Variants in NRXN3 observed in about 807,000 individuals in gnomAD.
NRXN3 encodes neurexin III.
A neutral mutation model predicts 137.6 loss-of-function variants in NRXN3; 32 were observed. The ratio of observed to expected loss-of-function variants is 0.23; its 90% CI spans 0.18 to 0.31. The LOEUF is 0.31. Ranked by LOEUF, NRXN3 falls within the 10% of genes least tolerant of loss-of-function variation. NRXN3 has a pLI of 1.00. For synonymous variants in NRXN3, 798 were observed against 784.5 expected (o/e 1.02, Z -0.29); for missense variants, 1,574 against 2,062.5 (o/e 0.76, Z 4.59).
intron 15 of NRXN3, among the ~76,000 whole-genome samples, chr14:79,214,479 C>T (rs2153228204): frequency 6.6e-6 from 1 of 152,246 alleles, no homozygotes; most frequent in Middle Eastern, 3.4e-3. Context: ...GTTGAATGTT[C>T]CCAACACAAA....
At chr14:78,773,833 C>T (rs1039544337) in intron 8 of NRXN3, among the ~76,000 whole-genome samples, 17 of 152,092 alleles carry the variant, frequency 1.1e-4, no homozygotes, top group Admixed American at 7.9e-4. Flanking sequence ...GATGGAGTCT[C>T]ACTCTGTCAC....
At chr14:78,640,755 A>G (rs982174759) in intron 4 of NRXN3, among the ~76,000 whole-genome samples, 2 of 152,236 alleles carry the variant, frequency 1.3e-5, no homozygotes, top group Non-Finnish European at 2.9e-5. Flanking sequence ...TGTTTAATCA[A>G]TTGGACACTT....
At chr14:79,355,251 C>G (rs113618104) in intron 15 of NRXN3, among the ~76,000 whole-genome samples, 5 of 140,526 alleles carry the variant, frequency 3.6e-5, no homozygotes, top group African/African-American at 1.6e-4. Context: ...GCTTTTCTGT[C>G]CCCCACCCCC....
chr14:78,830,115 C>T (rs989353462), intron 10 of NRXN3, among the ~76,000 whole-genome samples: 1 of 152,028 alleles, frequency 6.6e-6, no homozygotes, highest in African/African-American at 2.4e-5. Flanking sequence ...GAAATACATA[C>T]AATAACTCGC....
At chr14:79,430,285 G>C (rs569336387) in intron 15 of NRXN3, among the ~76,000 whole-genome samples, 1 of 152,336 alleles carries the variant, frequency 6.6e-6, no homozygotes, top group East Asian at 1.9e-4. Flanking sequence ...TCTTGCTGGT[G>C]AGAATTTTGC....
At chr14:79,193,517 T>G (rs2153187290) in intron 15 of NRXN3, among the ~76,000 whole-genome samples, 1 of 152,374 alleles carries the variant, frequency 6.6e-6, no homozygotes, top group East Asian at 1.9e-4. Context: ...CACATTAAAC[T>G]TACGTTGCAG....
At chr14:79,315,509 C>A (rs1001443217) in intron 15 of NRXN3, among the ~76,000 whole-genome samples, 1 of 152,098 alleles carries the variant, frequency 6.6e-6, no homozygotes, top group Non-Finnish European at 1.5e-5. Flanking sequence ...CCACCCCTTC[C>A]AAAGCTCACC....
intron 8 of NRXN3, among the ~76,000 whole-genome samples, chr14:78,794,137 T>C (rs2098813986): frequency 1.3e-5 from 2 of 152,050 alleles, no homozygotes; most frequent in African/African-American, 4.8e-5. Context: ...TCACAACACT[T>C]TGGGAGGCCG....
chr14:78,957,188 A>G (rs1466919553), intron 10 of NRXN3, 54 bp from the exon 11 acceptor site: 4 of 1,599,346 alleles, frequency 2.5e-6, no homozygotes, highest in Non-Finnish European at 3.4e-6. Flanking sequence ...ACCCTGATGC[A>G]TGAGCACTAC....
chr14:78,933,669 A>T (rs1364333736), intron 10 of NRXN3, among the ~76,000 whole-genome samples: 1 of 152,208 alleles, frequency 6.6e-6, no homozygotes, highest in Non-Finnish European at 1.5e-5. Context: ...AGATCTAACC[A>T]TTTTGTTATT....
At chr14:79,068,663 T>A (rs2099683732) in intron 15 of NRXN3, among the ~76,000 whole-genome samples, 1 of 152,106 alleles carries the variant, frequency 6.6e-6, no homozygotes, top group Non-Finnish European at 1.5e-5. Flanking sequence ...GTTTCTTTTA[T>A]TTATGTTATA....
At chr14:79,727,750 C>A (rs2098900052) in intron 19 of NRXN3, among the ~76,000 whole-genome samples, 1 of 152,108 alleles carries the variant, frequency 6.6e-6, no homozygotes, top group South Asian at 2.1e-4. Flanking sequence ...AATAAACGAA[C>A]CCCCATTGTG....
intron 15 of NRXN3, among the ~76,000 whole-genome samples, chr14:79,018,955 A>C (rs1248758270): frequency 6.6e-6 from 1 of 152,150 alleles, no homozygotes; most frequent in Non-Finnish European, 1.5e-5. Context: ...TTCTCTACTT[A>C]TTCATCCTTC....
chr14:78,685,811 T>C (rs2098120430), intron 6 of NRXN3, among the ~76,000 whole-genome samples: 1 of 100,992 alleles, frequency 9.9e-6, no homozygotes, highest in African/African-American at 3.4e-5. Context: ...TTTTTCTTTC[T>C]TTTTTTTTTT....
chr14:78,730,531 C>T (rs923474344), intron 8 of NRXN3, among the ~76,000 whole-genome samples: 1 of 152,102 alleles, frequency 6.6e-6, no homozygotes, highest in Non-Finnish European at 1.5e-5. Context: ...GAGATTGACC[C>T]TTATTTATTC....
chr14:79,842,904 T>C (rs1441894478), intron 20 of NRXN3, among the ~76,000 whole-genome samples: 1 of 152,196 alleles, frequency 6.6e-6, no homozygotes, highest in Non-Finnish European at 1.5e-5. Flanking sequence ...CCACCTCTAG[T>C]AACCACTGTT....
intron 4 of NRXN3, among the ~76,000 whole-genome samples, chr14:78,496,192 A>G (rs1293599607): frequency 6.6e-6 from 1 of 152,208 alleles, no homozygotes; most frequent in Non-Finnish European, 1.5e-5. Flanking sequence ...AACGCCAACC[A>G]TCTTAGCTTC....
At chr14:78,605,505 G>A (rs955284512) in intron 4 of NRXN3, among the ~76,000 whole-genome samples, 1 of 152,078 alleles carries the variant, frequency 6.6e-6, no homozygotes, top group Non-Finnish European at 1.5e-5. Flanking sequence ...TGACATTCAG[G>A]TCAGATCAAA....
intron 4 of NRXN3, among the ~76,000 whole-genome samples, chr14:78,525,735 G>A (rs2096368456): frequency 6.6e-6 from 1 of 152,138 alleles, no homozygotes; most frequent in African/African-American, 2.4e-5. Flanking sequence ...TAATACTTTA[G>A]GAGAGATTAA....
Sources: gnomAD v4.1 joint callset for allele counts (sites outside exome capture counted in the v4.1 genomes callset) on GRCh38, gnomAD v4.1.1 for gene constraint, MANE v1.5 for transcripts, NCBI Gene and HGNC (gene_info 2026-07-23, HGNC 2026-07-21) for gene names.